ZNF577: variants seen among roughly 807,000 people sequenced by gnomAD.
ZNF577 encodes zinc finger protein 577.
A neutral mutation model predicts 13.9 loss-of-function variants in ZNF577; 14 were observed. The observed-to-expected ratio is 1.00, with a 90% confidence interval of 0.66 to 1.57. ZNF577 has a LOEUF of 1.57. ZNF577 is among the 40% of genes most tolerant of loss of function. The pLI, the probability that ZNF577 is intolerant of heterozygous loss-of-function variation, is 0.00. For missense variants in ZNF577, 555 were observed against 579.2 expected (o/e 0.96, Z 0.43); for synonymous variants, 203 against 202.9 (o/e 1.00, Z 0.00).
chr19:51,824,142 TG>T lies in ZNF577; in HGVS notation c.*600-12469del. On this transcript the variant is annotated intron_variant and NMD_transcript_variant, in intron 9 of 10. Transcript: ENST00000638827. The surrounding 1 kb of genome is among the most constrained non-coding windows in gnomAD (Gnocchi z 4.7). ...CTGTATTTGTGTCCTGCATCCAGCC[TG>T]GGCCCAGAACCATCGCACCATGAGT... The T allele has an allele frequency of 6.2e-7, 1 of 1,614,038 alleles. No individual in the cohort carries two copies. The highest frequency in any genetic ancestry group is 8.5e-7 in the Non-Finnish European group (1 of 1,179,944).
At chr19:51,823,828 T>A (rs2084208935) in intron 9 of ZNF577, 1 of 1,613,950 alleles carries the variant, frequency 6.2e-7, no homozygotes, top group Non-Finnish European at 8.5e-7. Context: ...GTTCTGTGGA[T>A]CTTCTCATTG....
At chr19:51,805,861 T>C (rs909391261) in intron 10 of ZNF577, among the ~76,000 whole-genome samples, 2 of 152,154 alleles carry the variant, frequency 1.3e-5, no homozygotes, top group Admixed American at 6.5e-5. Context: ...AGAAGAAGTT[T>C]CACAAAATGC....
At chr19:51,834,682 T>G (rs2084279374) in intron 9 of ZNF577, among the ~76,000 whole-genome samples, 1 of 135,942 alleles carries the variant, frequency 7.4e-6, no homozygotes, top group Admixed American at 7.5e-5. Flanking sequence ...AAAGACAGTG[T>G]GCACACGATT....
intron 5 of ZNF577, among the ~76,000 whole-genome samples, chr19:51,874,547 T>C (rs1031825908): frequency 1.3e-5 from 2 of 150,784 alleles, no homozygotes; most frequent in South Asian, 2.1e-4. Flanking sequence ...TTGAGTGAAG[T>C]AGAAATACAA....
At chr19:51,818,036 A>G (rs946070836) in intron 9 of ZNF577, among the ~76,000 whole-genome samples, 1 of 150,570 alleles carries the variant, frequency 6.6e-6, no homozygotes, top group African/African-American at 2.4e-5. Flanking sequence ...AAGTTTTAGG[A>G]AATGATGAGT....
intron 9 of ZNF577, chr19:51,817,950 CTTTTT>C (rs1221225537): frequency 1.3e-5 from 2 of 151,234 alleles, no homozygotes; most frequent in Non-Finnish European, 2.9e-5. Flanking sequence ...CCAAATACAG[CTTTTT>C]TGTTTTGTTT....
exon 11 of ZNF577, chr19:51,805,034 CCTT>C (rs2084049084): frequency 2.0e-5 from 3 of 152,194 alleles, no homozygotes; most frequent in Non-Finnish European, 4.4e-5. Flanking sequence ...CCTCAGCAAA[CCTT>C]CTGGCGGCAG....
intron 5 of ZNF577, among the ~76,000 whole-genome samples, chr19:51,851,767 C>A (rs2084379824): frequency 6.6e-6 from 1 of 152,168 alleles, no homozygotes; most frequent in African/African-American, 2.4e-5. Context: ...AGTGGGTCTC[C>A]CAATGCCAAG....
In ZNF577 at chr19:51,872,488, G is replaced by A; in HGVS notation, c.*44C>T. The A allele has an allele frequency of 6.9e-7, 1 of 1,446,886 alleles. No homozygotes were observed. Among genetic ancestry groups the A allele is most frequent in the East Asian group, 2.4e-5 (1 of 41,126 alleles). 89.6% of individuals were successfully genotyped at this position (1,446,886 alleles called of 1,614,324 possible). A position where few individuals can be genotyped will look rare whatever the true frequency, so the allele number is the denominator to read the frequency against. On this transcript the variant is annotated 3_prime_UTR_variant, in exon 6 of 6. Transcript: ENST00000638348. ...AGCTCTCTGGGATATAATGGCTGGA[G>A]GATTCCTACTAAAGATTTTCCCACC...
In ZNF577 at chr19:51,880,510, A is replaced by G. The variant is rs2084845327; in HGVS notation, c.-19-109T>C. ...AACTTTCACAAACCCCCTGATCCAT[A>G]TATCTTGTTTCTTAATTTGCCAGGA... On this transcript the variant is annotated intron_variant, in intron 2 of 5. Transcript: ENST00000638348. 4 of 890,400 alleles carry G rather than the reference A, an allele frequency of 4.5e-6. No homozygotes were observed. The South Asian group carries it at 4.5e-5, about 10-fold the overall frequency. 55.2% of individuals were successfully genotyped at this position (890,400 alleles called of 1,614,324 possible).
intron 5 of ZNF577, among the ~76,000 whole-genome samples, chr19:51,854,550 TCCTGAACTC>T (rs2084399255): frequency 6.7e-6 from 1 of 148,470 alleles, no homozygotes; most frequent in African/African-American, 2.5e-5. Context: ...CCCATGCTTC[TCCTGAACTC>T]CTGGACTCAA....
rs777573101 is a variant in ZNF577, at chr19:51,823,700, TGTCACAGCTGAGAAATG to T, written c.*600-12043_*600-12027del. 81 of 1,432,508 alleles carry T rather than the reference TGTCACAGCTGAGAAATG, an allele frequency of 5.7e-5. 1 individual carries two copies. The South Asian group carries it at 6.6e-4, about 12-fold the overall frequency. 88.7% of individuals were successfully genotyped at this position (1,432,508 alleles called of 1,614,324 possible). ...AATGAATAGTTGTATTGTAAGATGG[TGTCACAGCTGAGAAATG>T]GCCATTGCTGAAATGTTTCAGGTGT... On this transcript the variant is annotated intron_variant and NMD_transcript_variant, in intron 9 of 10. Coordinates refer to the ZNF577 transcript ENST00000638827.
At chr19:51,885,478 C>A (rs1028474521) in intron 1 of ZNF577, among the ~76,000 whole-genome samples, 2 of 152,112 alleles carry the variant, frequency 1.3e-5, no homozygotes, top group African/African-American at 4.8e-5. Flanking sequence ...CTAGCATACT[C>A]CATTCCTCTA....
At chr19:51,832,027 A>G (rs534887724) in intron 9 of ZNF577, among the ~76,000 whole-genome samples, 7 of 152,288 alleles carry the variant, frequency 4.6e-5, no homozygotes, top group Non-Finnish European at 8.8e-5. Flanking sequence ...AGTTCAGCAA[A>G]TATTTTAGTT....
intron 10 of ZNF577, among the ~76,000 whole-genome samples, chr19:51,806,954 C>T (rs1007715509): frequency 1.3e-5 from 2 of 152,210 alleles, no homozygotes; most frequent in African/African-American, 2.4e-5. Context: ...TACCTAACAT[C>T]GGGCGTAGCC....
intron 5 of ZNF577, among the ~76,000 whole-genome samples, chr19:51,875,805 A>G (rs909588768): frequency 6.6e-6 from 1 of 152,240 alleles, no homozygotes; most frequent in South Asian, 2.1e-4. Flanking sequence ...GAAAAAGAGA[A>G]GTCAGTCAAA....
In ZNF577 at chr19:51,877,384, A is replaced by G. The variant is rs2084782594; in HGVS notation, c.188-7T>C. 4 of 1,612,646 alleles carry G rather than the reference A, an allele frequency of 2.5e-6. No individual in the cohort carries two copies. Among genetic ancestry groups the G allele is most frequent in the Non-Finnish European group, 8.5e-7 (1 of 1,178,746 alleles). ...GGCTTGGTGCCTCGATACCCTGTAA[A>G]TGGGAGATCACTGAACACTTGGCAC... is the stretch of plus-strand genomic sequence containing the variant. On this transcript the variant is annotated splice_region_variant and splice_polypyrimidine_tract_variant and intron_variant, in intron 4 of 5. Coordinates refer to ENST00000638348, the MANE Select transcript of ZNF577 (RefSeq NM_001370449.1).
At chr19:51,882,576 G>A (rs2084878796) in intron 1 of ZNF577, among the ~76,000 whole-genome samples, 1 of 151,916 alleles carries the variant, frequency 6.6e-6, no homozygotes, top group South Asian at 2.1e-4. Context: ...GAGGCCAGGA[G>A]TTCAAAACCA....
intron 8 of ZNF577, among the ~76,000 whole-genome samples, chr19:51,841,991 G>A (rs1336662987): frequency 6.6e-6 from 1 of 152,216 alleles, no homozygotes; most frequent in Non-Finnish European, 1.5e-5. Flanking sequence ...CAGATACACA[G>A]TGTAAGTCTG....
Sources: allele counts gnomAD v4.1 joint callset (sites outside exome capture counted in the v4.1 genomes callset), GRCh38; gene constraint gnomAD v4.1.1; non-coding constraint Gnocchi (gnomAD v3.1); transcripts MANE v1.5; gene names NCBI Gene and HGNC (gene_info 2026-07-23, HGNC 2026-07-21).